Variants in SLTM observed in about 807,000 individuals in gnomAD.
SLTM encodes the protein SAFB like transcription modulator.
Under a neutral mutation model 134.6 loss-of-function variants are expected in SLTM, and 43 were observed. The ratio of observed to expected loss-of-function variants is 0.32; its 90% CI spans 0.25 to 0.41. The LOEUF is 0.41. Ranked by LOEUF, SLTM falls within the 10% of genes least tolerant of loss-of-function variation. The probability of loss-of-function intolerance (pLI) is 1.00; values close to 1 mark genes in which losing one functional copy is unlikely to be tolerated. For synonymous variants in SLTM, 424 were observed against 432.3 expected, an observed-to-expected ratio of 0.98 and a Z score of 0.24; for missense variants, 1,055 against 1,288.8, an observed-to-expected ratio of 0.82 and a Z score of 2.78.
chr15:58,884,314 T>C (rs1429864757), intron 19 of SLTM, among the ~76,000 whole-genome samples: 3 of 151,958 alleles, frequency 2.0e-5, no homozygotes, highest in African/African-American at 7.3e-5. Flanking sequence ...ATTTAATACT[T>C]TTGTTGTTGT....
At chr15:58,920,262 G>A (rs1161865530) in intron 2 of SLTM, among the ~76,000 whole-genome samples, 6 of 151,728 alleles carry the variant, frequency 4.0e-5, no homozygotes, top group Non-Finnish European at 7.4e-5. Context: ...TGGAGGTTGC[G>A]GTAAGCTGAG....
intron 16 of SLTM, among the ~76,000 whole-genome samples, chr15:58,888,930 A>T (rs1212475871): frequency 1.3e-5 from 2 of 152,216 alleles, no homozygotes; most frequent in Non-Finnish European, 2.9e-5. Context: ...TTAACTTTGG[A>T]AACGTTAGAG....
At chr15:58,903,076 A>G (rs1414171598) in intron 5 of SLTM, among the ~76,000 whole-genome samples, 4 of 151,512 alleles carry the variant, frequency 2.6e-5, no homozygotes, top group African/African-American at 9.7e-5. Flanking sequence ...TAATTTTTGT[A>G]TTTTTAGTAG....
intron 2 of SLTM, among the ~76,000 whole-genome samples, chr15:58,921,785 TTCTTTTTG>T (rs1237936978): frequency 1.6e-4 from 24 of 152,260 alleles, no homozygotes; most frequent in Admixed American, 1.6e-3. Flanking sequence ...TTTTCTTTTT[TTCTTTTTG>T]GAGACAGACT....
At chr15:58,930,879 T>C (rs142856710) in intron 2 of SLTM, among the ~76,000 whole-genome samples, 3 of 151,500 alleles carry the variant, frequency 2.0e-5, no homozygotes, top group Admixed American at 1.3e-4. Flanking sequence ...TAGTCAAAAC[T>C]GAAAAAGGGA....
chr15:58,894,793 C>T (rs2034950209), intron 9 of SLTM, among the ~76,000 whole-genome samples: 1 of 151,190 alleles, frequency 6.6e-6, no homozygotes, highest in Non-Finnish European at 1.5e-5. Context: ...CAACCTCTGC[C>T]TTCTGGGTTC....
chr15:58,887,643 T>C lies in SLTM; in HGVS notation c.2376-103A>G. 2.0e-6 allele frequency: 3 copies of C among 1,493,742 alleles called. No homozygotes were observed. In the South Asian group the frequency reaches 4.2e-5, roughly 21 times the overall value. The allele number at this position is 1,493,742 out of a possible 1,614,324, so 92.5% of individuals were successfully genotyped here. On this transcript the variant is annotated intron_variant, in intron 17 of 20. Coordinates refer to ENST00000380516, the MANE Select transcript of SLTM (RefSeq NM_024755.4). Reference sequence around the variant, plus strand: ...AACCTACAATAATGAAACCAAAAAATGAACTTAAGGCAAAGCCATGGAAAA... The same window carrying C: ...AACCTACAATAATGAAACCAAAAAACGAACTTAAGGCAAAGCCATGGAAAA...
rs74017307 is a variant in SLTM at position 58,906,698 on chromosome 15, C to T, written c.562-5411G>A. Among the ~76,000 whole-genome samples the T allele has an allele frequency of 6.2e-3, 937 of 152,228 alleles. 13 individuals are homozygous for T. Among genetic ancestry groups the T allele is most frequent in the African/African-American group, 0.022 (895 of 41,512 alleles). Reference sequence around the variant, plus strand: ...AACTTTTAAACCACTACTTACCTATCGGGGAATATGCTAAACATCATGGGA... The same window carrying T: ...AACTTTTAAACCACTACTTACCTATTGGGGAATATGCTAAACATCATGGGA... On this transcript the variant is annotated intron_variant, in intron 5 of 20. Transcript: ENST00000380516.
intron 2 of SLTM, 147 bp downstream of exon 2, chr15:58,932,209 T>G (rs1884329921): frequency 1.6e-6 from 1 of 635,958 alleles, no homozygotes; most frequent in Non-Finnish European, 2.8e-6. Flanking sequence ...CTGGCAACAG[T>G]AACTTTTCTT....
chr15:58,885,277 G>A (rs1402888647), intron 19 of SLTM, among the ~76,000 whole-genome samples: 2 of 152,162 alleles, frequency 1.3e-5, no homozygotes, highest in Admixed American at 6.5e-5. Context: ...TTAGCTTACA[G>A]GAAAGAAAGC....
In SLTM at chr15:58,890,364, G is replaced by A; in HGVS notation, c.1996C>T (p.Arg666Cys). 6.2e-7 allele frequency: 1 copy of A among 1,602,398 alleles called. No individual in the cohort carries two copies. The highest frequency in any genetic ancestry group is 8.5e-7 in the Non-Finnish European group (1 of 1,172,246). Residue 666 changes from arginine (R) to cysteine (C), a missense_variant, in exon 15 of 21, where the codon CGC (arginine) becomes TGC (cysteine). By Grantham distance (180) the Arg-to-Cys change is radical. Transcript: ENST00000380516. Reference protein sequence around the residue: ...ERERLQRERERLEIERQKLER... With the variant: ...ERERLQRERECLEIERQKLER... ...AGTTTTTGCCTTTCAATTTCTAGGC[G>A]CTCTCTCTCTCTCTGTAAGCGTTCC...
In SLTM at chr15:58,887,515, C is replaced by G. The variant is rs2140957856; in HGVS notation, c.2401G>C (p.Glu801Gln). 6.2e-7 allele frequency: 1 copy of G among 1,612,414 alleles called. No homozygotes were observed. Among genetic ancestry groups the G allele is most frequent in the South Asian group, 1.1e-5 (1 of 91,046 alleles). ...ERRDRFVGQSEGKKARPTARR... is the reference protein window; with the variant it reads ...ERRDRFVGQSQGKKARPTARR... The stretch of plus-strand genomic sequence containing the variant: ...GCAGTAGGTCGTGCTTTTTTCCCCT[C>G]ACTTTGACCAACAAAGCGATCCCGC... The change falls in exon 18 of 21, where the codon GAG (glutamate) becomes CAG (glutamine). Residue 801 changes from glutamate to glutamine, a missense_variant. Coordinates refer to ENST00000380516, the MANE Select transcript of SLTM (RefSeq NM_024755.4).
In SLTM at chr15:58,933,611, C is replaced by A. The variant is rs771933182; in HGVS notation, c.-46G>T. On this transcript the variant is annotated 5_prime_UTR_variant, in exon 1 of 21. Transcript: ENST00000380516. ...CCGAGGCAGCGAGTGGGCTGCAGGG[C>A]GGCGGCAGCAGCGCCAACTTCCACC... 2.2e-5 allele frequency: 33 copies of A among 1,501,890 alleles called. No homozygotes were observed. In the South Asian group the frequency reaches 3.8e-4, roughly 17 times the overall value. 93.0% of individuals were successfully genotyped at this position (1,501,890 alleles called of 1,614,324 possible).
chr15:58,919,501 G>T (rs1364888130), intron 2 of SLTM, among the ~76,000 whole-genome samples: 1 of 152,194 alleles, frequency 6.6e-6, no homozygotes, highest in East Asian at 1.9e-4. Context: ...TCGGGAGGCT[G>T]AGGTGGGAGG....
In SLTM at chr15:58,890,436, GCT is replaced by G. The variant is rs1247396458; in HGVS notation, c.1922_1923del (p.Glu641AlafsTer8). 1.2e-6 allele frequency: 2 copies of G among 1,613,346 alleles called. No individual in the cohort carries two copies. The highest frequency in any genetic ancestry group is 1.7e-6 in the Non-Finnish European group (2 of 1,179,854). ...ATTCTAATGCGTTCTCGCTCTCGAC[GCT>G]CTCTCTCTGCAATCTCTCTTCGTCT... ...LRRRREIAER[E>X]RRERERIRII... On this transcript the variant is annotated frameshift_variant, in exon 15 of 21. Transcript: ENST00000380516. LOFTEE classifies it high-confidence loss of function.
At chr15:58,930,426 G>A (rs559602105) in intron 2 of SLTM, among the ~76,000 whole-genome samples, 32 of 151,538 alleles carry the variant, frequency 2.1e-4, no homozygotes, top group Non-Finnish European at 1.3e-4. Flanking sequence ...CACTGCACCC[G>A]GCCCCCAAAT....
intron 2 of SLTM, chr15:58,921,687 G>T: frequency 3.7e-6 from 1 of 268,618 alleles, no homozygotes; most frequent in Non-Finnish European, 8.0e-6. Context: ...CATTAGCTTT[G>T]GACTGCTTTC....
At chr15:58,884,391 T>TCACTG (rs1168656132) in intron 19 of SLTM, among the ~76,000 whole-genome samples, 2 of 151,968 alleles carry the variant, frequency 1.3e-5, no homozygotes, top group African/African-American at 4.8e-5. Context: ...CGATCTCGGC[T>TCACTG]CACTGCAACC....
chr15:58,919,183 G>A (rs1250287014), intron 2 of SLTM, among the ~76,000 whole-genome samples: 2 of 152,204 alleles, frequency 1.3e-5, no homozygotes, highest in Admixed American at 1.3e-4. Flanking sequence ...AAAGTGTTGG[G>A]ATAACAGGCG....
Sources: gnomAD v4.1 joint callset for allele counts (sites outside exome capture counted in the v4.1 genomes callset) on GRCh38, gnomAD v4.1.1 for gene constraint, MANE v1.5 for transcripts, NCBI Gene and HGNC (gene_info 2026-07-23, HGNC 2026-07-21) for gene names.